CSMD2: variants seen among roughly 807,000 people sequenced by gnomAD.
CSMD2 encodes the protein CUB and sushi domain-containing protein 2.
CSMD2 carries 130 observed loss-of-function variants against 398.5 expected under a neutral mutation model. The ratio of observed to expected loss-of-function variants is 0.33; its 90% confidence interval spans 0.28 to 0.38. CSMD2 has a LOEUF of 0.38. Ranked by LOEUF, CSMD2 falls within the 10% of genes least tolerant of loss-of-function variation. CSMD2 has a pLI of 1.00. For missense variants in CSMD2, 3,829 were observed against 4,764.9 expected (o/e 0.80, Z 5.78); for synonymous variants, 1,828 against 1,908.5 (o/e 0.96, Z 1.10).
intron 1 of CSMD2, among the ~76,000 whole-genome samples, chr1:34,148,351 G>A (rs905045883): frequency 1.3e-5 from 2 of 152,178 alleles, no homozygotes; most frequent in African/African-American, 4.8e-5. Flanking sequence ...CCCTTGCCCA[G>A]TCTCTCAGCA....
At chr1:33,663,808 ACTCT>A (rs916081285) in intron 25 of CSMD2, among the ~76,000 whole-genome samples, 2 of 152,022 alleles carry the variant, frequency 1.3e-5, no homozygotes, top group African/African-American at 2.4e-5. Context: ...AGCCTGTGTG[ACTCT>A]CTCTGTTAAT....
chr1:33,805,525 C>T (rs936740872), intron 10 of CSMD2, among the ~76,000 whole-genome samples: 23 of 152,066 alleles, frequency 1.5e-4, no homozygotes, highest in Admixed American at 6.5e-5. Flanking sequence ...AAAAAAGCAG[C>T]TTTTTCCAAG....
intron 4 of CSMD2, among the ~76,000 whole-genome samples, chr1:33,934,129 T>A (rs568498085): frequency 6.6e-6 from 1 of 152,202 alleles, no homozygotes; most frequent in African/African-American, 2.4e-5. Context: ...CTGGAGCTAG[T>A]CTTTTACAGT....
intron 5 of CSMD2, among the ~76,000 whole-genome samples, chr1:33,913,841 A>T (rs528109085): frequency 5.9e-5 from 9 of 152,024 alleles, no homozygotes; most frequent in Non-Finnish European, 1.0e-4. Context: ...AGAGACTCAG[A>T]TGGAGAGTGT....
chr1:34,036,412 T>A (rs1326619634), intron 2 of CSMD2, among the ~76,000 whole-genome samples: 2 of 152,160 alleles, frequency 1.3e-5, no homozygotes, highest in African/African-American at 4.8e-5. Flanking sequence ...AAAAAGCTAA[T>A]CTCAAAAGAT....
At chr1:33,844,341 T>C (rs1288715022) in intron 6 of CSMD2, among the ~76,000 whole-genome samples, 2 of 152,180 alleles carry the variant, frequency 1.3e-5, no homozygotes, top group Non-Finnish European at 2.9e-5. Flanking sequence ...TACTGCACTG[T>C]GTCTAGCATC....
At chr1:33,784,575 C>T (rs1466749882) in intron 12 of CSMD2, among the ~76,000 whole-genome samples, 10 of 152,218 alleles carry the variant, frequency 6.6e-5, no homozygotes, top group Middle Eastern at 3.2e-3. Context: ...TCTGGCTCCA[C>T]GCCCTGCACT....
chr1:34,022,914 C>G (rs556618564), intron 3 of CSMD2, among the ~76,000 whole-genome samples: 2 of 152,160 alleles, frequency 1.3e-5, no homozygotes, highest in Non-Finnish European at 2.9e-5. Context: ...TCACTCCAGC[C>G]TCAACCCCCT....
intron 1 of CSMD2, among the ~76,000 whole-genome samples, chr1:34,119,222 A>C (rs1661915903): frequency 6.6e-6 from 1 of 152,208 alleles, no homozygotes; most frequent in Non-Finnish European, 1.5e-5. Context: ...ATCTACATGC[A>C]GAAGAATAAA....
chr1:33,918,404 T>C (rs1446825265), intron 4 of CSMD2, 103 bp from the exon 5 acceptor site: 2 of 922,822 alleles, frequency 2.2e-6, no homozygotes, highest in African/African-American at 3.3e-5. Context: ...CTCCCAAGAG[T>C]ACAATTCACA....
chr1:33,596,402 G>T (rs899813065), intron 44 of CSMD2, among the ~76,000 whole-genome samples: 1 of 152,088 alleles, frequency 6.6e-6, no homozygotes, highest in Non-Finnish European at 1.5e-5. Context: ...TGACACCCCG[G>T]CCTGGGCTAC....
intron 19 of CSMD2, among the ~76,000 whole-genome samples, chr1:33,721,768 T>A (rs1646366189): frequency 6.6e-6 from 1 of 152,228 alleles, no homozygotes; most frequent in Non-Finnish European, 1.5e-5. Flanking sequence ...TAAGTACATG[T>A]GGTGGGACTA....
chr1:34,055,508 C>G (rs1325660943), intron 2 of CSMD2, among the ~76,000 whole-genome samples: 2 of 152,126 alleles, frequency 1.3e-5, no homozygotes, highest in African/African-American at 4.8e-5. Context: ...ATTCCCAGGA[C>G]CCCCTCCCCC....
intron 5 of CSMD2, among the ~76,000 whole-genome samples, chr1:33,887,334 G>C (rs2125193293): frequency 6.6e-6 from 1 of 152,122 alleles, no homozygotes; most frequent in Admixed American, 6.5e-5. Context: ...TTCACAGAAA[G>C]AGGAATGGTT....
intron 26 of CSMD2, among the ~76,000 whole-genome samples, chr1:33,661,212 C>T (rs939378500): frequency 3.9e-5 from 6 of 152,118 alleles, no homozygotes; most frequent in Non-Finnish European, 4.4e-5. Flanking sequence ...TCTTTTAAGC[C>T]GCACCCATCA....
At position 33,829,883 on chromosome 1, in the gene CSMD2, C is replaced by T. The variant is rs867494949; in HGVS notation, c.1034-4109G>A. On this transcript the variant is annotated intron_variant, in intron 6 of 70. Coordinates refer to ENST00000373381, the MANE Select transcript of CSMD2 (RefSeq NM_001281956.2). The stretch of plus-strand genomic sequence containing the variant: ...TCCGCACCTAGCTCGGAGGGTCCTA[C>T]GCCCACGGAGTGTCGCTGATTGCTA... Among the ~76,000 whole-genome samples the T allele has an allele frequency of 4.7e-4, 71 of 152,302 alleles. No homozygotes were observed. In the Middle Eastern group the frequency reaches 0.01, roughly 22 times the overall value.
rs773059558 is a variant in CSMD2, at chr1:33,626,535, G to A, written c.5247C>T (p.Phe1749=). 4 of 1,608,642 alleles carry A rather than the reference G, an allele frequency of 2.5e-6. No individual in the cohort carries two copies. The highest frequency in any genetic ancestry group is 2.2e-5 in the South Asian group (2 of 89,260). ...LATSNQVLIK[F]SAKGLAPARG... ...TGGCTGGTGCGAGGCCTTTGGCGCT[G>A]AACTTAATGAGAACTTGATTGGAGG... The change falls in exon 33 of 71, where the codon TTC becomes TTT. Residue 1749 remains phenylalanine, a synonymous_variant. Transcript: ENST00000373381.
intron 2 of CSMD2, among the ~76,000 whole-genome samples, chr1:34,064,843 GC>G (rs1221881368): frequency 1.3e-5 from 2 of 152,110 alleles, no homozygotes; most frequent in Non-Finnish European, 2.9e-5. Context: ...GGCGGGGGAG[GC>G]CTCAGAGTCA....
chr1:33,866,382 T>G (rs1483518587), intron 5 of CSMD2, among the ~76,000 whole-genome samples: 2 of 152,112 alleles, frequency 1.3e-5, no homozygotes, highest in Non-Finnish European at 2.9e-5. Flanking sequence ...CAGAAAGTAA[T>G]GGGGGAGGGA....
Sources: allele counts gnomAD v4.1 joint callset (sites outside exome capture counted in the v4.1 genomes callset), GRCh38; gene constraint gnomAD v4.1.1; transcripts MANE v1.5; gene names NCBI Gene and HGNC (gene_info 2026-07-23, HGNC 2026-07-21).